CUL7: variants seen among roughly 807,000 people sequenced by gnomAD.
CUL7 encodes cullin 7.
In CUL7, 96 loss-of-function variants were observed where a neutral mutation model predicts 177.7. That is an observed-to-expected ratio of 0.54 (90% CI 0.46 to 0.64). The LOEUF (loss-of-function observed/expected upper bound fraction) is 0.64. Ranked by LOEUF, CUL7 falls within the 30% of genes least tolerant of loss-of-function variation. CUL7 has a pLI of 0.00. For synonymous variants in CUL7, 824 were observed against 890.2 expected (o/e 0.93, Z 1.32); for missense variants, 1,893 against 2,187.9 (o/e 0.87, Z 2.69).
Position 43,045,107 on chromosome 6 carries a change from C to T in CUL7, c.3038+120G>A. On this transcript the variant is annotated intron_variant, in intron 15 of 25. Transcript: ENST00000265348. The surrounding 1 kb of genome is among the most constrained non-coding windows in gnomAD (Gnocchi z 4.8). ...CCTCCCACAGCTCAGAAAACTCCAG[C>T]CCCCTCCCCACGCATATTAAACCTC... 1.4e-6 allele frequency: 2 copies of T among 1,405,524 alleles called. No individual in the cohort carries two copies. Among genetic ancestry groups the T allele is most frequent in the Non-Finnish European group, 2.0e-6 (2 of 1,021,666 alleles). The allele number at this position is 1,405,524 out of a possible 1,614,324, so 87.1% of individuals were successfully genotyped here. A position where few individuals can be genotyped will look rare whatever the true frequency, so the allele number is the denominator to read the frequency against.
At position 43,043,353 on chromosome 6, in the gene CUL7, G is replaced by C; in HGVS notation, c.3355+95C>G. The C allele has an allele frequency of 3.7e-6, 5 of 1,333,558 alleles. No homozygotes were observed. Among genetic ancestry groups the C allele is most frequent in the Middle Eastern group, 2.5e-4 (1 of 4,010 alleles). 82.6% of individuals were successfully genotyped at this position (1,333,558 alleles called of 1,614,324 possible). A position where few individuals can be genotyped will look rare whatever the true frequency, so the allele number is the denominator to read the frequency against. On this transcript the variant is annotated intron_variant, in intron 17 of 25. Transcript: ENST00000265348. The surrounding 1 kb of genome is among the most constrained non-coding windows in gnomAD (Gnocchi z 4.2). ...TGAACAGGCTGAGCCCATAGGGAGG[G>C]GAAGGATGGGGATGGACAGAAGCCT...
Position 43,046,968 on chromosome 6 carries a change from TGAGCCAGCTCCA to T in CUL7, c.2297_2308del (p.Leu766_Ala769del). The T allele has an allele frequency of 6.2e-7, 1 of 1,613,642 alleles. No homozygotes were observed. Among genetic ancestry groups the T allele is most frequent in the Non-Finnish European group, 8.5e-7 (1 of 1,179,530 alleles). ...CTTGAACACCATGTCCCGCAGCTCC[TGAGCCAGCTCCA>T]GCTTTCCCAGGTGCTTTTCCAGGGC... On this transcript the variant is annotated inframe_deletion, in exon 10 of 26. Coordinates refer to ENST00000265348, the MANE Select transcript of CUL7 (RefSeq NM_014780.5).
Position 43,047,094 on chromosome 6 carries a change from A to G in CUL7, c.2183T>C (p.Leu728Pro), listed in dbSNP as rs1350106076. 1 of 1,605,178 alleles carries G rather than the reference A, an allele frequency of 6.2e-7. No individual in the cohort carries two copies. The highest frequency in any genetic ancestry group is 2.2e-5 in the East Asian group (1 of 44,816). The stretch of plus-strand genomic sequence containing the variant: ...GGTCAGGCGGTGCAGGAAGAAAATC[A>G]GTTCCTGGAGCACCTGGGTGGGGAC... ...PNTDREVLQE[L>P]IFFLHRLTSV... The change falls in exon 10 of 26, where the codon CTG (leucine) becomes CCG (proline). Residue 728 changes from leucine (L) to proline (P), a missense_variant. This residue lies in a region of CUL7 where 973 missense variants were observed against 1,140.9 expected (regional missense o/e 0.85). Coordinates refer to ENST00000265348, the MANE Select transcript of CUL7 (RefSeq NM_014780.5).
Position 43,045,656 on chromosome 6 carries a change from C to T in CUL7, c.2793G>A (p.Arg931=). Residue 931 remains arginine (R), a synonymous_variant, in exon 14 of 26, where the codon CGG becomes CGA. Transcript: ENST00000265348. The surrounding 1 kb of genome is among the most constrained non-coding windows in gnomAD (Gnocchi z 4.8). ...NSVNVMPSAS[R]VILLENLTRF... ...GGGTCAGGTTCTCCAGGAGGATCAC[C>T]CGGCTGGCAGAGGGCATCACATTCA... 1 of 1,614,232 alleles carries T rather than the reference C, an allele frequency of 6.2e-7. No individual in the cohort carries two copies. Among genetic ancestry groups the T allele is most frequent in the Non-Finnish European group, 8.5e-7 (1 of 1,180,038 alleles).
chr6:43,042,330 T>G (rs867596273), intron 19 of CUL7, among the ~76,000 whole-genome samples: 12 of 151,112 alleles, frequency 7.9e-5, no homozygotes, highest in African/African-American at 2.4e-4. Flanking sequence ...TTGTGGGGGG[T>G]TTTTTTGTTT....
chr6:43,041,542 G>A (rs571419436), intron 19 of CUL7, among the ~76,000 whole-genome samples: 4 of 152,280 alleles, frequency 2.6e-5, no homozygotes, highest in Admixed American at 6.5e-5. Flanking sequence ...GGTTGAGGCC[G>A]CAGTGAGCTG....
At position 43,043,092 on chromosome 6, in the gene CUL7, C is replaced by T; in HGVS notation, c.3444G>A (p.Arg1148=). 1 of 1,614,152 alleles carries T rather than the reference C, an allele frequency of 6.2e-7. No individual in the cohort carries two copies. Among genetic ancestry groups the T allele is most frequent in the Non-Finnish European group, 8.5e-7 (1 of 1,180,032 alleles). Residue 1148 remains arginine, a synonymous_variant, in exon 18 of 26, where the codon CGG becomes CGA. Transcript: ENST00000265348. This position sits in a 1 kb window ranked among gnomAD's most constrained non-coding sequence, Gnocchi z 4.2. ...TGCCCACCTGCTTCTCCACCACGGC[C>T]CGCCAACAGCGCGTCAGGTTTCTCA... The part of the protein sequence containing the change: ...SIMRNLTRCW[R]AVVEKQVNNF...
In CUL7 at chr6:43,049,442, T is replaced by G. The variant is rs1203445074; in HGVS notation, c.1790A>C (p.Gln597Pro). Residue 597 changes from glutamine to proline, a missense_variant, in exon 7 of 26, where the codon CAG becomes CCG. Around this residue, in one of 5 missense-constraint regions of CUL7, gnomAD observed 973 missense variants for 1,140.9 expected, o/e 0.85. Coordinates refer to ENST00000265348, the MANE Select transcript of CUL7 (RefSeq NM_014780.5). ...GGCTGCATCTTCTGAGTCCTTAGCC[T>G]GGGCCTGCGCGTCTAGCAGGAGGAC... ...EDVLLLDAQAQAKDSEDAAKV... is the reference protein window; with the variant it reads ...EDVLLLDAQAPAKDSEDAAKV... 4 of 1,614,232 alleles carry G rather than the reference T, an allele frequency of 2.5e-6. 1 individual carries two copies. The South Asian group carries it at 4.4e-5, about 18-fold the overall frequency.
rs1561896816 is a variant in CUL7 at position 43,052,103 on chromosome 6, AT to A, written c.580+105del. 1 of 1,546,926 alleles carries A rather than the reference AT, an allele frequency of 6.5e-7. No homozygotes were observed. The highest frequency in any genetic ancestry group is 1.2e-5 in the South Asian group (1 of 84,962). ...ACTCTAAGAGAAGGGCAACAGAATC[AT>A]TTACGTACTGATGAGATCAGAGGCT... On this transcript the variant is annotated intron_variant, in intron 2 of 25. Transcript: ENST00000265348. The surrounding 1 kb of genome is among the most constrained non-coding windows in gnomAD (Gnocchi z 4.5).
intron 10 of CUL7, 117 bp downstream of exon 10, chr6:43,046,763 C>T (rs778581719): frequency 7.8e-7 from 1 of 1,282,192 alleles, no homozygotes; most frequent in Admixed American, 1.8e-5. Context: ...ACAAATGCCC[C>T]AGGGTCACTA....
At position 43,038,699 on chromosome 6, in the gene CUL7, A is replaced by G; in HGVS notation, c.4441-7T>C. 6.2e-7 allele frequency: 1 copy of G among 1,614,078 alleles called. No homozygotes were observed. The highest frequency in any genetic ancestry group is 8.5e-7 in the Non-Finnish European group (1 of 1,179,986). On this transcript the variant is annotated splice_polypyrimidine_tract_variant and splice_region_variant and intron_variant, in intron 23 of 25. Transcript: ENST00000265348. ...GACTCTCCACAGAGACCGCCTTCAGAGAACAGATGGGAGACATTCAGGGCC... is the reference window on the plus strand; with the variant it reads ...GACTCTCCACAGAGACCGCCTTCAGGGAACAGATGGGAGACATTCAGGGCC...
chr6:43,044,823 G>A lies in CUL7; in HGVS notation c.3101C>T (p.Ala1034Val). 6.2e-7 allele frequency: 1 copy of A among 1,614,012 alleles called. No individual in the cohort carries two copies. The highest frequency in any genetic ancestry group is 8.5e-7 in the Non-Finnish European group (1 of 1,179,868). ...GCAGGTCTTGCCCAGAGCTTGGGCA[G>A]CCTCGTCATCAGGGAGGAAGCGGTC... is the stretch of plus-strand genomic sequence containing the variant. The part of the protein sequence containing the change: ...FADRFLPDDE[A>V]AQALGKTCWE... The change falls in exon 16 of 26, where the codon GCT becomes GTT. Residue 1034 changes from alanine (A) to valine (V), a missense_variant. This residue lies in a region of CUL7 where 973 missense variants were observed against 1,140.9 expected (regional missense o/e 0.85). Transcript: ENST00000265348.
At chr6:43,047,681 C>T (rs555507741) in intron 9 of CUL7, among the ~76,000 whole-genome samples, 4 of 152,258 alleles carry the variant, frequency 2.6e-5, no homozygotes, top group African/African-American at 7.2e-5. Flanking sequence ...ATGTGATGGG[C>T]GCTCTGCCTC....
chr6:43,050,218 T>G lies in CUL7; in HGVS notation c.1372+42A>C. 1 of 1,614,056 alleles carries G rather than the reference T, an allele frequency of 6.2e-7. No homozygotes were observed. The highest frequency in any genetic ancestry group is 8.5e-7 in the Non-Finnish European group (1 of 1,180,012). ...ACTAGCAACTCAGCAGGACCACCAT[T>G]CCTCTGCTCAGAGCTGACCCTTGCT... On this transcript the variant is annotated intron_variant, in intron 5 of 25. Transcript: ENST00000265348. The surrounding 1 kb of genome is among the most constrained non-coding windows in gnomAD (Gnocchi z 4.1).
In CUL7 at chr6:43,037,789, C is replaced by T. The variant is rs776511309; in HGVS notation, c.4996G>A (p.Gly1666Ser). The change falls in exon 26 of 26, where the codon GGC (glycine) becomes AGC (serine). Residue 1666 changes from glycine to serine, a missense_variant. By Grantham distance (56) the Gly-to-Ser change is moderately conservative. Transcript: ENST00000265348. The stretch of plus-strand genomic sequence containing the variant: ...TGGAAGGTGAGGGGTGGGTTGGGGC[C>T]TGAGGAGCCTGGGTTCAGGGACTCA... ...HTESLNPGSSGPNPPLTFHTL... is the reference protein window; with the variant it reads ...HTESLNPGSSSPNPPLTFHTL... 22 of 1,600,936 alleles carry T rather than the reference C, an allele frequency of 1.4e-5. No individual in the cohort carries two copies. The East Asian group carries it at 5.0e-4, about 36-fold the overall frequency.
At chr6:43,049,832 C>G (rs1764251228) in intron 6 of CUL7, 131 bp downstream of exon 6, 1 of 1,333,386 alleles carries the variant, frequency 7.5e-7, no homozygotes, top group Non-Finnish European at 1.1e-6. Flanking sequence ...CTGAAAATTC[C>G]AGACCCCTCC....
At chr6:43,049,780 A>G in intron 6 of CUL7, 118 bp from the exon 7 acceptor site, 1 of 1,448,198 alleles carries the variant, frequency 6.9e-7, no homozygotes, top group Non-Finnish European at 9.6e-7. Flanking sequence ...ATCCTCTCAC[A>G]GCTGGCAGCT....
Position 43,040,544 on chromosome 6 carries a change from C to T in CUL7, c.4009G>A (p.Glu1337Lys), listed in dbSNP as rs139611086. The change falls in exon 21 of 26, where the codon GAG becomes AAG. Residue 1337 changes from glutamate (E) to lysine (K), a missense_variant. Transcript: ENST00000265348. This position sits in a 1 kb window ranked among gnomAD's most constrained non-coding sequence, Gnocchi z 4.2. ...AAGGCACTCACCTGTATTTTCTTCT[C>T]TGTATCCTCCAGCTTCAGGAGTTCC... ...DQELLKLEDT[E>K]KKIQVGLGAS... is the part of the protein sequence containing the mutation. 6.8e-6 allele frequency: 11 copies of T among 1,614,036 alleles called. No individual in the cohort carries two copies. The highest frequency in any genetic ancestry group is 9.3e-6 in the Non-Finnish European group (11 of 1,180,044).
chr6:43,049,696 C>T (rs754427884), intron 6 of CUL7, 34 bp from the exon 7 acceptor site: 2 of 1,612,242 alleles, frequency 1.2e-6, no homozygotes, highest in South Asian at 1.1e-5. Context: ...CTGCAGACAG[C>T]CCTGCCGACC....
Sources: gnomAD v4.1 joint callset for allele counts (sites outside exome capture counted in the v4.1 genomes callset) on GRCh38, gnomAD v4.1.1 for gene constraint, gnomAD v4.1.1 regional missense constraint, Gnocchi (gnomAD v3.1) non-coding constraint, MANE v1.5 for transcripts, NCBI Gene and HGNC (gene_info 2026-07-23, HGNC 2026-07-21) for gene names.